The following TBC1D15 variants were observed in gnomAD, a reference collection of about 807,000 sequenced individuals.
TBC1D15 encodes the protein GAP for RAB7.
Under a neutral mutation model 95.4 loss-of-function variants are expected in TBC1D15, and 39 were observed. That is an observed-to-expected ratio of 0.41 (90% CI 0.32 to 0.53). The LOEUF (loss-of-function observed/expected upper bound fraction) is 0.53, where lower values mean the gene tolerates loss of function less well. Among genes scored for constraint, TBC1D15 ranks in the 20% least tolerant of loss-of-function variants. The pLI is 0.29. For synonymous variants in TBC1D15, 258 were observed against 261.3 expected (o/e 0.99, Z 0.12); for missense variants, 733 against 794.3 (o/e 0.92, Z 0.93).
At chr12:71,843,120 A>G (rs1885472407) in intron 1 of TBC1D15, among the ~76,000 whole-genome samples, 1 of 152,056 alleles carries the variant, frequency 6.6e-6, no homozygotes, top group Admixed American at 6.6e-5. Context: ...CTCTGTCTTT[A>G]CTAAAAATAC....
chr12:71,840,668 C>T (rs1005917300), intron 1 of TBC1D15, among the ~76,000 whole-genome samples: 3 of 152,186 alleles, frequency 2.0e-5, no homozygotes, highest in African/African-American at 7.2e-5. Flanking sequence ...TGAAGTGACT[C>T]ATCGAACACT....
intron 7 of TBC1D15, among the ~76,000 whole-genome samples, chr12:71,895,446 A>G (rs1897979271): frequency 6.6e-6 from 1 of 152,118 alleles, no homozygotes; most frequent in Admixed American, 6.6e-5. Flanking sequence ...TAAAATTACC[A>G]ACATCTGTTA....
intron 3 of TBC1D15, among the ~76,000 whole-genome samples, chr12:71,876,845 C>CAG (rs1893950542): frequency 1.4e-5 from 2 of 146,464 alleles, no homozygotes; most frequent in African/African-American, 5.1e-5. Context: ...GAGTCTCTCT[C>CAG]TGTCTCCCAG....
At chr12:71,887,449 C>T (rs1896454429) in intron 5 of TBC1D15, among the ~76,000 whole-genome samples, 1 of 152,202 alleles carries the variant, frequency 6.6e-6, no homozygotes, top group Admixed American at 6.5e-5. Context: ...CAACAAGGGC[C>T]TGCCCTATCT....
intron 1 of TBC1D15, among the ~76,000 whole-genome samples, chr12:71,848,800 G>A (rs917051362): frequency 6.6e-6 from 1 of 152,180 alleles, no homozygotes; most frequent in Non-Finnish European, 1.5e-5. Context: ...AAATTCACTT[G>A]GACGTAATTC....
At chr12:71,920,952 T>A in intron 15 of TBC1D15, 105 bp downstream of exon 15, 2 of 796,670 alleles carry the variant, frequency 2.5e-6, no homozygotes, top group Non-Finnish European at 4.0e-6. Context: ...TTGAGTAACT[T>A]AAATTGTGTC....
intron 1 of TBC1D15, among the ~76,000 whole-genome samples, chr12:71,855,723 C>G (rs931153991): frequency 4.6e-5 from 7 of 151,080 alleles, no homozygotes; most frequent in Admixed American, 2.0e-4. Context: ...AGATGACCTT[C>G]CACGTACCAC....
At chr12:71,847,210 C>T (rs1278765234) in intron 1 of TBC1D15, among the ~76,000 whole-genome samples, 1 of 152,052 alleles carries the variant, frequency 6.6e-6, no homozygotes, top group Non-Finnish European at 1.5e-5. Context: ...CTCACTGTAC[C>T]ATCACTCCAT....
intron 7 of TBC1D15, among the ~76,000 whole-genome samples, chr12:71,895,089 T>C (rs1454824878): frequency 6.6e-6 from 1 of 152,092 alleles, no homozygotes; most frequent in Non-Finnish European, 1.5e-5. Flanking sequence ...TGATTAATGT[T>C]GGATCTCTCT....
chr12:71,848,040 T>A (rs915488569), intron 1 of TBC1D15, among the ~76,000 whole-genome samples: 4 of 152,192 alleles, frequency 2.6e-5, no homozygotes, highest in African/African-American at 9.6e-5. Flanking sequence ...GAGGTTGCGG[T>A]GAGCCAAGAT....
At chr12:71,850,917 G>A (rs906504371) in intron 1 of TBC1D15, among the ~76,000 whole-genome samples, 5 of 146,662 alleles carry the variant, frequency 3.4e-5, no homozygotes, top group Admixed American at 2.8e-4. Flanking sequence ...AACCCGGGAG[G>A]CAGAGCTTGT....
intron 1 of TBC1D15, among the ~76,000 whole-genome samples, chr12:71,857,036 A>C (rs1331052183): frequency 6.6e-6 from 1 of 152,210 alleles, no homozygotes; most frequent in Non-Finnish European, 1.5e-5. Flanking sequence ...CGTAATAAAA[A>C]TATTACATAG....
At chr12:71,872,449 G>A (rs566381420) in intron 2 of TBC1D15, among the ~76,000 whole-genome samples, 14 of 152,118 alleles carry the variant, frequency 9.2e-5, no homozygotes, top group African/African-American at 3.4e-4. Flanking sequence ...TTCCTTAAAC[G>A]TGCTTAGAAC....
intron 16 of TBC1D15, among the ~76,000 whole-genome samples, chr12:71,922,005 C>T (rs998140535): frequency 1.3e-5 from 2 of 152,184 alleles, no homozygotes; most frequent in African/African-American, 4.8e-5. Context: ...CCTTGAACTC[C>T]TGGGCTCAAG....
At position 71,875,331 on chromosome 12, in the gene TBC1D15, T is replaced by C. The variant is rs149148483; in HGVS notation, c.204+2328T>C. ...ATTTTTTCCCGTATGGTGGACTGTT[T>C]TTTCACTTTCTTTTTGGTATGCTTT... is the stretch of plus-strand genomic sequence containing the variant. On this transcript the variant is annotated intron_variant, in intron 3 of 16. Coordinates refer to ENST00000485960, the MANE Select transcript of TBC1D15 (RefSeq NM_001146213.3). Among the ~76,000 whole-genome samples, 507 of 152,334 alleles carry C rather than the reference T, an allele frequency of 3.3e-3. 6 individuals are homozygous for C. The highest frequency in any genetic ancestry group is 0.012 in the African/African-American group (481 of 41,558).
intron 12 of TBC1D15, among the ~76,000 whole-genome samples, chr12:71,914,667 A>G (rs533143764): frequency 6.8e-4 from 104 of 152,122 alleles, no homozygotes; most frequent in Admixed American, 7.2e-4. Context: ...TTTCAAAATA[A>G]CACTAACATA....
At chr12:71,854,967 C>G in intron 1 of TBC1D15, 1 of 411,226 alleles carries the variant, frequency 2.4e-6, no homozygotes, top group Non-Finnish European at 4.8e-6. Context: ...GTGTATTAGT[C>G]CGTTATCACA....
rs549129883 is a variant in TBC1D15 at position 71,873,042 on chromosome 12, T to G, written c.204+39T>G. The G allele has an allele frequency of 4.4e-5, 61 of 1,381,512 alleles. No individual in the cohort carries two copies. The East Asian group carries it at 1.4e-3, about 32-fold the overall frequency. 85.6% of individuals were successfully genotyped at this position (1,381,512 alleles called of 1,614,324 possible). A position where few individuals can be genotyped will look rare whatever the true frequency, so the allele number is the denominator to read the frequency against. On this transcript the variant is annotated intron_variant, in intron 3 of 16. Transcript: ENST00000485960. ...AAATGTGTTACTAAGGGAATGCCAT[T>G]TAAAAAATAACAGTATTATCCATAT...
intron 11 of TBC1D15, among the ~76,000 whole-genome samples, chr12:71,912,041 ACAGT>A (rs774273983): frequency 1.3e-5 from 2 of 152,130 alleles, no homozygotes; most frequent in Non-Finnish European, 2.9e-5. Flanking sequence ...TAGATCATAC[ACAGT>A]CAGGCTCAGT....
Sources: allele counts gnomAD v4.1 joint callset (sites outside exome capture counted in the v4.1 genomes callset), GRCh38; gene constraint gnomAD v4.1.1; transcripts MANE v1.5; gene names NCBI Gene and HGNC (gene_info 2026-07-23, HGNC 2026-07-21).